Variants in AUTS2 observed in about 807,000 individuals in gnomAD.
The protein encoded by AUTS2 is activator of transcription and developmental regulator AUTS2.
Under a neutral mutation model 112.4 loss-of-function variants are expected in AUTS2, and 17 were observed. The ratio of observed to expected loss-of-function variants is 0.15; its 90% CI spans 0.10 to 0.23. The LOEUF is 0.23. AUTS2 is among the 10% of genes least tolerant of loss of function. AUTS2 has a pLI of 1.00. For missense variants in AUTS2, 1,510 were observed against 1,701.6 expected, an observed-to-expected ratio of 0.89 and a Z score of 1.98; for synonymous variants, 751 against 702.7, an observed-to-expected ratio of 1.07 and a Z score of -1.09.
intron 5 of AUTS2, among the ~76,000 whole-genome samples, chr7:70,439,950 C>A: frequency 6.6e-6 from 1 of 152,166 alleles, no homozygotes; most frequent in Non-Finnish European, 1.5e-5. Flanking sequence ...AGTGGCCAAG[C>A]ACTTGGGCCT....
At chr7:70,210,331 G>T (rs1810790343) in intron 4 of AUTS2, among the ~76,000 whole-genome samples, 1 of 152,192 alleles carries the variant, frequency 6.6e-6, no homozygotes, top group African/African-American at 2.4e-5. Flanking sequence ...AAATGCAAAG[G>T]CTGCTGTGTA....
intron 1 of AUTS2, among the ~76,000 whole-genome samples, chr7:69,883,846 TATTGACTCCTCTACCG>T (rs1185813823): frequency 6.6e-6 from 1 of 152,226 alleles, no homozygotes; most frequent in Non-Finnish European, 1.5e-5. Flanking sequence ...CCGCCATGTG[TATTGACTCCTCTACCG>T]ATTACAAATA....
chr7:69,750,538 C>T (rs1225399228), intron 1 of AUTS2, among the ~76,000 whole-genome samples: 2 of 151,420 alleles, frequency 1.3e-5, no homozygotes, highest in East Asian at 1.9e-4. Flanking sequence ...GAGGGTCTCC[C>T]AGGCTGGAGT....
At chr7:70,253,516 C>T (rs1016190787) in intron 4 of AUTS2, among the ~76,000 whole-genome samples, 1 of 152,038 alleles carries the variant, frequency 6.6e-6, no homozygotes, top group African/African-American at 2.4e-5. Flanking sequence ...TGCTTATTTC[C>T]CTGAGAACTT....
intron 2 of AUTS2, among the ~76,000 whole-genome samples, chr7:70,024,064 T>C (rs567214262): frequency 6.6e-6 from 1 of 152,334 alleles, no homozygotes; most frequent in African/African-American, 2.4e-5. Flanking sequence ...GGGACAAATG[T>C]AATGGTTACA....
intron 4 of AUTS2, among the ~76,000 whole-genome samples, chr7:70,367,236 C>T (rs1025494130): frequency 5.3e-5 from 8 of 152,118 alleles, no homozygotes; most frequent in Non-Finnish European, 8.8e-5. Context: ...GCTCTCCAGC[C>T]TGGGTAACAG....
chr7:69,947,797 C>T (rs538483921), intron 2 of AUTS2, among the ~76,000 whole-genome samples: 1 of 152,238 alleles, frequency 6.6e-6, no homozygotes, highest in East Asian at 1.9e-4. Context: ...CTGTGCTAGG[C>T]TTTGTGTTAA....
chr7:69,895,259 G>A (rs114467241), intron 1 of AUTS2, among the ~76,000 whole-genome samples: 93 of 152,252 alleles, frequency 6.1e-4, no homozygotes, highest in African/African-American at 2.1e-3. Context: ...CTCCAAGACA[G>A]TCTGAAAAAA....
At chr7:70,137,109 T>C (rs1806606202) in intron 4 of AUTS2, among the ~76,000 whole-genome samples, 1 of 152,252 alleles carries the variant, frequency 6.6e-6, no homozygotes, top group African/African-American at 2.4e-5. Context: ...TCCTTGGTTT[T>C]GTGTTCCAAA....
intron 4 of AUTS2, among the ~76,000 whole-genome samples, chr7:70,230,685 G>A (rs1378903874): frequency 6.6e-6 from 1 of 152,178 alleles, no homozygotes; most frequent in Admixed American, 6.5e-5. Flanking sequence ...AGCTTTCCAG[G>A]CCATCAGAGA....
At chr7:70,150,564 A>G (rs1807375290) in intron 4 of AUTS2, among the ~76,000 whole-genome samples, 1 of 152,120 alleles carries the variant, frequency 6.6e-6, no homozygotes, top group South Asian at 2.1e-4. Context: ...TTTTTTTCTC[A>G]AGTGTTTTAA....
rs1015050827 is a variant in AUTS2, at chr7:70,282,643, A to G, written c.660+148072A>G. On this transcript the variant is annotated intron_variant, in intron 4 of 18. Transcript: ENST00000342771. ...TCACCTTGGTAGTTAGGATTTCAAC[A>G]TGTAGATTTTGAGTGGACATAAACA... Among the ~76,000 whole-genome samples the G allele has an allele frequency of 7.9e-5, 12 of 152,262 alleles. 1 individual carries two copies. The highest frequency in any genetic ancestry group is 6.8e-3 in the Middle Eastern group (2 of 294).
chr7:70,159,550 G>C (rs573372899), intron 4 of AUTS2, among the ~76,000 whole-genome samples: 27 of 152,242 alleles, frequency 1.8e-4, no homozygotes, highest in Middle Eastern at 3.4e-3. Context: ...ATTTAGATGT[G>C]TTATGATTAT....
intron 4 of AUTS2, among the ~76,000 whole-genome samples, chr7:70,409,645 C>T (rs1279957582): frequency 6.6e-6 from 1 of 152,104 alleles, no homozygotes; most frequent in Non-Finnish European, 1.5e-5. Context: ...AGCCTAACTC[C>T]GTAAAAACGC....
intron 2 of AUTS2, among the ~76,000 whole-genome samples, chr7:69,940,091 A>G (rs1218582318): frequency 6.6e-6 from 1 of 152,154 alleles, no homozygotes; most frequent in African/African-American, 2.4e-5. Context: ...TATCATTTCT[A>G]TTTTATAGGT....
rs962949084 is a variant in AUTS2 at position 70,781,535 on chromosome 7, T to TCTCCAG, written c.2005-70_2005-65dup. 41 of 1,529,558 alleles carry TCTCCAG rather than the reference T, an allele frequency of 2.7e-5. No individual in the cohort carries two copies. The South Asian group carries it at 4.6e-4, about 17-fold the overall frequency. 94.7% of individuals were successfully genotyped at this position (1,529,558 alleles called of 1,614,324 possible). The stretch of plus-strand genomic sequence containing the variant: ...TTGAACCCAAGTGCACCGTTCACAG[T>TCTCCAG]CTCCAGCTCCAGCTCTTCACTAACA... On this transcript the variant is annotated intron_variant, in intron 14 of 18. Coordinates refer to ENST00000342771, the MANE Select transcript of AUTS2 (RefSeq NM_015570.4).
At chr7:70,129,367 C>T (rs566413429) in intron 3 of AUTS2, among the ~76,000 whole-genome samples, 8 of 152,198 alleles carry the variant, frequency 5.3e-5, no homozygotes, top group Non-Finnish European at 1.2e-4. Flanking sequence ...ATAAGTCTCA[C>T]CCATTTTAGG....
At chr7:70,677,805 C>T (rs66662729) in intron 5 of AUTS2, among the ~76,000 whole-genome samples, 29,163 of 151,852 alleles carry the variant, frequency 0.19, 3,909 homozygotes, top group East Asian at 0.65. Flanking sequence ...AGGTTCTGGC[C>T]AGGCGCGGTG....
chr7:69,610,541 GACAGTTTCCTGC>G lies in AUTS2; in HGVS notation c.309+10582_309+10593del, dbSNP rs565178631. Among the ~76,000 whole-genome samples the G allele has an allele frequency of 5.3e-5, 8 of 152,334 alleles. No individual in the cohort carries two copies. In the South Asian group the frequency reaches 1.7e-3, roughly 32 times the overall value. ...TTCAGATGGGCATTGCTTCCTCTGA[GACAGTTTCCTGC>G]ACGTGTTCCCGGTGCTCTGTTCCCC... On this transcript the variant is annotated intron_variant, in intron 1 of 18. Coordinates refer to ENST00000342771, the MANE Select transcript of AUTS2 (RefSeq NM_015570.4).
Sources: gnomAD v4.1 joint callset for allele counts (sites outside exome capture counted in the v4.1 genomes callset) on GRCh38, gnomAD v4.1.1 for gene constraint, MANE v1.5 for transcripts, NCBI Gene and HGNC (gene_info 2026-07-23, HGNC 2026-07-21) for gene names.